HIVEP3: variants seen among roughly 807,000 people sequenced by gnomAD.
HIVEP3 encodes HIVEP zinc finger 3.
Under a neutral mutation model 152.8 loss-of-function variants are expected in HIVEP3, and 49 were observed. That is an observed-to-expected ratio of 0.32 (90% confidence interval 0.26 to 0.41). The LOEUF is 0.41. HIVEP3 is among the 10% of genes least tolerant of loss of function. The pLI, the probability that HIVEP3 is intolerant of heterozygous loss-of-function variation, is 1.00. For synonymous variants in HIVEP3, 1,269 were observed against 1,289.0 expected (o/e 0.98, Z 0.33); for missense variants, 2,790 against 3,103.3 (o/e 0.90, Z 2.40).
At chr1:41,766,681 C>T (rs1648029743) in intron 1 of HIVEP3, among the ~76,000 whole-genome samples, 1 of 152,216 alleles carries the variant, frequency 6.6e-6, no homozygotes, top group South Asian at 2.1e-4. Flanking sequence ...ACCTGCATCA[C>T]CAACTCCCTC....
chr1:41,895,970 C>T (rs915162550), intron 1 of HIVEP3, among the ~76,000 whole-genome samples: 1 of 152,098 alleles, frequency 6.6e-6, no homozygotes, highest in Non-Finnish European at 1.5e-5. Context: ...CGGCACTGCC[C>T]GGATGAATAT....
rs1645614686 is a variant in HIVEP3, at chr1:42,031,750, T to C, written n.119+4057A>G. Among the ~76,000 whole-genome samples, 3 of 152,172 alleles carry C rather than the reference T, an allele frequency of 2.0e-5. No individual in the cohort carries two copies. The South Asian group carries it at 6.2e-4, about 32-fold the overall frequency. On this transcript the variant is annotated intron_variant and non_coding_transcript_variant, in intron 1 of 3. Coordinates refer to the HIVEP3 transcript ENST00000489103. ...GAGATTATACAGTTTTTTTCCCACATACACAATATCTTCCAACTTATAAAT... is the reference window on the plus strand; with the variant it reads ...GAGATTATACAGTTTTTTTCCCACACACACAATATCTTCCAACTTATAAAT...
intron 1 of HIVEP3, among the ~76,000 whole-genome samples, chr1:41,735,246 GTTTGGGAGAT>G (rs1284551340): frequency 6.6e-6 from 1 of 152,210 alleles, no homozygotes; most frequent in African/African-American, 2.4e-5. Context: ...AGTGCCTGCT[GTTTGGGAGAT>G]CTCTTCCTAC....
At chr1:41,633,002 G>C (rs1028694916) in intron 2 of HIVEP3, among the ~76,000 whole-genome samples, 1 of 152,010 alleles carries the variant, frequency 6.6e-6, no homozygotes, top group Non-Finnish European at 1.5e-5. Context: ...GGTGTGGCTT[G>C]AGGAGAAAGG....
intron 1 of HIVEP3, among the ~76,000 whole-genome samples, chr1:41,754,890 C>T (rs1237177238): frequency 6.6e-6 from 1 of 152,092 alleles, no homozygotes; most frequent in Non-Finnish European, 1.5e-5. Flanking sequence ...GAAACAAGCG[C>T]CCCTACACTG....
Position 41,526,554 on chromosome 1 carries a change from C to CACCCTA in HIVEP3, c.5208-1645_5208-1644insTAGGGT, listed in dbSNP as rs1335657078. On this transcript the variant is annotated intron_variant, in intron 5 of 8. Transcript: ENST00000372583. ...ATGCTTACACCCCCACACTCACCCT[C>CACCCTA]ACCCTCACACACCCTCACACATACA... is the stretch of plus-strand genomic sequence containing the variant. Among the ~76,000 whole-genome samples the CACCCTA allele has an allele frequency of 2.4e-5, 3 of 124,598 alleles. No homozygotes were observed. The Admixed American group carries it at 2.5e-4, about 10-fold the overall frequency. The allele number at this position is 124,598 out of a possible 152,430, so 81.7% of individuals were successfully genotyped here. A position where few individuals can be genotyped will look rare whatever the true frequency, so the allele number is the denominator to read the frequency against.
At chr1:41,567,833 G>A (rs1644190825) in intron 5 of HIVEP3, among the ~76,000 whole-genome samples, 1 of 152,206 alleles carries the variant, frequency 6.6e-6, no homozygotes, top group African/African-American at 2.4e-5. Flanking sequence ...CATAACAGAG[G>A]CCATCTGACT....
chr1:42,026,156 A>T (rs1036688150), intron 1 of HIVEP3, among the ~76,000 whole-genome samples: 2 of 152,040 alleles, frequency 1.3e-5, no homozygotes, highest in African/African-American at 4.8e-5. Context: ...GCTCAGTACC[A>T]GGGCAACCTC....
chr1:41,785,105 G>A (rs1405924148), intron 1 of HIVEP3, among the ~76,000 whole-genome samples: 2 of 152,156 alleles, frequency 1.3e-5, no homozygotes, highest in African/African-American at 4.8e-5. Flanking sequence ...TACAGAAGCT[G>A]CTCAAATCAC....
chr1:41,636,903 G>C (rs1035969166), intron 2 of HIVEP3, among the ~76,000 whole-genome samples: 14 of 148,106 alleles, frequency 9.5e-5, no homozygotes, highest in South Asian at 2.1e-4. Flanking sequence ...AGGTTGCAGT[G>C]AGCCGAGATT....
intron 5 of HIVEP3, among the ~76,000 whole-genome samples, chr1:41,541,060 C>T (rs529551879): frequency 8.5e-5 from 13 of 152,174 alleles, no homozygotes; most frequent in South Asian, 8.3e-4. Context: ...CTGATTAGGA[C>T]GCTGCGAGTG....
chr1:41,973,057 C>T (rs1570857573), intron 1 of HIVEP3, among the ~76,000 whole-genome samples: 2 of 151,932 alleles, frequency 1.3e-5, no homozygotes, highest in Admixed American at 1.3e-4. Flanking sequence ...CACACACACA[C>T]ACACACACAC....
rs77744405 is a variant in HIVEP3 at position 41,714,662 on chromosome 1, G to T, written c.-800-13667C>A. On this transcript the variant is annotated intron_variant, in intron 1 of 8. Transcript: ENST00000372583. ...CCAGCTCACACTCTGGGGCTGACAT[G>T]GGGAGAGATGAGTCTGAAGGGCTTG... Among the ~76,000 whole-genome samples, 737 of 152,282 alleles carry T rather than the reference G, an allele frequency of 4.8e-3. 6 individuals are homozygous for T. The highest frequency in any genetic ancestry group is 0.017 in the African/African-American group (710 of 41,542).
chr1:41,715,472 C>T (rs752153897), intron 1 of HIVEP3, among the ~76,000 whole-genome samples: 33 of 152,146 alleles, frequency 2.2e-4, no homozygotes, highest in African/African-American at 6.0e-4. Context: ...GGGGTCCTCA[C>T]GCACCAGCCA....
intron 1 of HIVEP3, among the ~76,000 whole-genome samples, chr1:41,707,079 G>T: frequency 6.6e-6 from 1 of 152,160 alleles, no homozygotes; most frequent in East Asian, 1.9e-4. Context: ...ACAGATAAAG[G>T]CAGGGTACTC....
At chr1:41,726,062 T>C (rs1012100010) in intron 1 of HIVEP3, among the ~76,000 whole-genome samples, 5 of 152,232 alleles carry the variant, frequency 3.3e-5, no homozygotes, top group African/African-American at 9.6e-5. Flanking sequence ...AGGAGGGCTG[T>C]TTCTATAAAA....
At chr1:41,529,725 A>G (rs998328285) in intron 5 of HIVEP3, among the ~76,000 whole-genome samples, 2 of 142,168 alleles carry the variant, frequency 1.4e-5, no homozygotes, top group Non-Finnish European at 3.1e-5. Context: ...ATTTACACAT[A>G]CACACGCCAC....
At chr1:41,751,720 A>T (rs1647166457) in intron 1 of HIVEP3, among the ~76,000 whole-genome samples, 1 of 152,158 alleles carries the variant, frequency 6.6e-6, no homozygotes, top group Non-Finnish European at 1.5e-5. Flanking sequence ...GGACCATGAA[A>T]AGCCCAACAG....
In HIVEP3 at chr1:41,508,559, G is replaced by A. The variant is rs1392851977; in HGVS notation, c.*1892C>T. ...GAGCCCTGCCTTCTGTCTCATTTTT[G>A]TCTTAGCTCTGAGGCAAAGGAGAAT... is the stretch of plus-strand genomic sequence containing the variant. On this transcript the variant is annotated 3_prime_UTR_variant, in exon 9 of 9. Coordinates refer to ENST00000372583, the MANE Select transcript of HIVEP3 (RefSeq NM_024503.5). 6.6e-6 allele frequency: 1 copy of A among 152,304 alleles called. No homozygotes were observed. The highest frequency in any genetic ancestry group is 2.4e-5 in the African/African-American group (1 of 41,434). 9.4% of individuals were successfully genotyped at this position (152,304 alleles called of 1,614,324 possible).
Sources: gnomAD v4.1 joint callset for allele counts (sites outside exome capture counted in the v4.1 genomes callset) on GRCh38, gnomAD v4.1.1 for gene constraint, MANE v1.5 for transcripts, NCBI Gene and HGNC (gene_info 2026-07-23, HGNC 2026-07-21) for gene names.